CFAP47: variants seen among roughly 807,000 people sequenced by gnomAD.
CFAP47 encodes cilia- and flagella-associated protein 47.
CFAP47 carries 29 observed loss-of-function variants against 148.1 expected under a neutral mutation model. That is an observed-to-expected ratio of 0.20 (90% confidence interval 0.15 to 0.27). The LOEUF (loss-of-function observed/expected upper bound fraction) is 0.27. CFAP47 is among the 10% of genes least tolerant of loss of function. CFAP47 has a pLI of 1.00. For missense variants in CFAP47, 1,872 were observed against 1,697.5 expected (o/e 1.10, Z -1.81); for synonymous variants, 664 against 577.3 (o/e 1.15, Z -2.15).
chrX:36,196,179 T>C (rs1273574294), intron 42 of CFAP47, among the ~76,000 whole-genome samples: 1 of 111,344 alleles, frequency 9.0e-6, no homozygotes, highest in African/African-American at 3.3e-5. Flanking sequence ...AATTGTTCTA[T>C]AAAAATATAA....
intron 48 of CFAP47, among the ~76,000 whole-genome samples, chrX:36,241,586 G>A (rs781931698): frequency 2.1e-4 from 23 of 112,095 alleles, no homozygotes; most frequent in Middle Eastern, 4.6e-3. Flanking sequence ...ATCCCTGAGA[G>A]CAGCTGGAGC....
At chrX:36,366,898 G>T in intron 61 of CFAP47, 68 bp from the exon 62 acceptor site, 1 of 696,296 alleles carries the variant, frequency 1.4e-6, no homozygotes, top group Non-Finnish European at 2.0e-6. Flanking sequence ...CCTTAGTTTA[G>T]TTTGCTATAT....
Position 35,951,321 on chromosome X carries a change from G to T in CFAP47, c.847G>T (p.Val283Leu). The T allele has an allele frequency of 8.3e-7, 1 of 1,207,831 alleles. No individual in the cohort carries two copies. The highest frequency in any genetic ancestry group is 1.1e-6 in the Non-Finnish European group (1 of 892,342). The change falls in exon 5 of 64, where the codon GTG becomes TTG. Residue 283 changes from valine (V) to leucine (L), a missense_variant. Transcript: ENST00000378653. ...TAATAGCCCAGAGCCCATAAATTGG[G>T]TGGCCATCATACAAGATGATGCCGT... ...YNNSPEPINW[V>L]AIIQDDAVGE...
intron 63 of CFAP47, among the ~76,000 whole-genome samples, chrX:36,383,955 TA>T (rs1167076012): frequency 1.8e-5 from 2 of 111,838 alleles, no homozygotes; most frequent in Non-Finnish European, 3.8e-5. Context: ...GAAGAATGTT[TA>T]AATAAATCAC....
At chrX:36,159,199 C>T (rs1184532935) in intron 37 of CFAP47, among the ~76,000 whole-genome samples, 1 of 111,374 alleles carries the variant, frequency 9.0e-6, no homozygotes, top group East Asian at 2.8e-4. Context: ...TTAGAAAATC[C>T]TTTATTTGAG....
At chrX:36,325,204 G>A (rs1556012789) in intron 57 of CFAP47, among the ~76,000 whole-genome samples, 1 of 111,713 alleles carries the variant, frequency 9.0e-6, no homozygotes, top group Admixed American at 9.5e-5. Flanking sequence ...ATGAACAATA[G>A]CAATATACAA....
intron 3 of CFAP47, among the ~76,000 whole-genome samples, chrX:35,943,948 A>G (rs758355587): frequency 4.2e-4 from 47 of 111,500 alleles, no homozygotes; most frequent in Admixed American, 1.1e-3. Flanking sequence ...CTACAGTATT[A>G]TAACATAGAA....
At chrX:35,983,672 A>C (rs1936676176) in intron 15 of CFAP47, among the ~76,000 whole-genome samples, 1 of 111,621 alleles carries the variant, frequency 9.0e-6, no homozygotes, top group East Asian at 2.8e-4. Flanking sequence ...TTTAAACATG[A>C]AGGGATGTGG....
chrX:36,226,076 G>A, intron 45 of CFAP47, among the ~76,000 whole-genome samples: 1 of 111,723 alleles, frequency 9.0e-6, no homozygotes, highest in Middle Eastern at 4.7e-3. Flanking sequence ...AGATTTTTTT[G>A]TTCGTTTGTT....
intron 22 of CFAP47, among the ~76,000 whole-genome samples, chrX:36,015,617 G>C (rs72628192): frequency 0.17 from 19,088 of 110,636 alleles, 1,816 homozygotes; most frequent in African/African-American, 0.34. Flanking sequence ...ATAGCATGCA[G>C]ATGATAAAAA....
At chrX:35,961,060 T>G (rs912439873) in intron 8 of CFAP47, among the ~76,000 whole-genome samples, 1 of 111,553 alleles carries the variant, frequency 9.0e-6, no homozygotes, top group Non-Finnish European at 1.9e-5. Context: ...ATGTTTCTAT[T>G]ATGGAAGTGT....
intron 45 of CFAP47, among the ~76,000 whole-genome samples, chrX:36,214,692 C>T (rs1380593031): frequency 1.8e-5 from 2 of 110,620 alleles, no homozygotes; most frequent in East Asian, 5.7e-4. Context: ...ACACATTACC[C>T]TAGGCCTACA....
intron 1 of CFAP47, among the ~76,000 whole-genome samples, chrX:35,923,855 A>ATATATATGTACATATATG (rs1935619545): frequency 3.0e-5 from 3 of 101,694 alleles, no homozygotes; most frequent in South Asian, 4.4e-4. Flanking sequence ...ATGTGTGTAT[A>ATATATATGTACATATATG]TATATATGTA....
intron 1 of CFAP47, among the ~76,000 whole-genome samples, chrX:35,923,886 T>C (rs912180816): frequency 2.3e-5 from 2 of 87,444 alleles, no homozygotes; most frequent in Non-Finnish European, 4.0e-5. Context: ...TATATGTACA[T>C]ATATATGTGT....
rs191813331 is a variant in CFAP47, at chrX:36,228,013, A to G, written c.6818-615A>G. Among the ~76,000 whole-genome samples the G allele has an allele frequency of 2.0e-3, 220 of 111,587 alleles. 1 individual carries two copies. Among genetic ancestry groups the G allele is most frequent in the African/African-American group, 6.5e-3 (201 of 30,807 alleles). On this transcript the variant is annotated intron_variant, in intron 45 of 63. Coordinates refer to ENST00000378653, the MANE Select transcript of CFAP47 (RefSeq NM_001304548.2). ...GTAAATGTTGTAACGGGGTGTTATG[A>G]GAAGTATTAATTACACATGCACTTT...
chrX:36,348,169 G>T lies in CFAP47; in HGVS notation c.8484G>T (p.Leu2828Phe). Reference sequence around the variant, plus strand: ...CTAAAGGAAATATAGATATCTCATTGTTATTTATACCTCAAATTATGAAAT... The same window carrying T: ...CTAAAGGAAATATAGATATCTCATTTTTATTTATACCTCAAATTATGAAAT... Reference protein sequence around the residue: ...LPPKGNIDISLLFIPQIMKLH... With the variant: ...LPPKGNIDISFLFIPQIMKLH... Residue 2828 changes from leucine (L) to phenylalanine (F), a missense_variant, in exon 58 of 64, where the codon TTG becomes TTT. Physicochemically the swap from Leu to Phe is conservative, Grantham distance 22 (BLOSUM62 0). Transcript: ENST00000378653. 9.5e-7 allele frequency: 1 copy of T among 1,047,772 alleles called. No homozygotes were observed. Among genetic ancestry groups the T allele is most frequent in the Non-Finnish European group, 1.2e-6 (1 of 804,756 alleles). The allele number at this position is 1,047,772 out of a possible 1,213,427, so 86.3% of individuals were successfully genotyped here.
At chrX:36,007,964 C>G (rs1201421684) in intron 21 of CFAP47, among the ~76,000 whole-genome samples, 1 of 111,425 alleles carries the variant, frequency 9.0e-6, no homozygotes, top group East Asian at 2.8e-4. Flanking sequence ...CAGTCACCAA[C>G]AGTCATCAAC....
chrX:36,334,036 T>A (rs1266961712), intron 57 of CFAP47, among the ~76,000 whole-genome samples: 1 of 111,686 alleles, frequency 9.0e-6, no homozygotes, highest in Non-Finnish European at 1.9e-5. Flanking sequence ...AGGGATCACA[T>A]TAAATCCATG....
intron 21 of CFAP47, among the ~76,000 whole-genome samples, chrX:36,003,780 C>G (rs1434089432): frequency 6.5e-5 from 7 of 108,110 alleles, no homozygotes; most frequent in Admixed American, 2.0e-4. Flanking sequence ...CCAGAGCAAT[C>G]AGGCAAGAGA....
Sources: gnomAD v4.1 joint callset for allele counts (sites outside exome capture counted in the v4.1 genomes callset) on GRCh38, gnomAD v4.1.1 for gene constraint, MANE v1.5 for transcripts, NCBI Gene and HGNC (gene_info 2026-07-23, HGNC 2026-07-21) for gene names.